Variants in ZNF44 observed in about 807,000 individuals in gnomAD.
The protein encoded by ZNF44 is gonadotropin inducible transcription repressor-2.
ZNF44 carries 9 observed loss-of-function variants against 11.7 expected under a neutral mutation model. The ratio of observed to expected loss-of-function variants is 0.77; its 90% CI spans 0.46 to 1.35. The LOEUF is 1.35. ZNF44 is among the 40% of genes most tolerant of loss of function. ZNF44 has a pLI of 0.00. For missense variants in ZNF44, 696 were observed against 743.1 expected, an observed-to-expected ratio of 0.94 and a Z score of 0.74; for synonymous variants, 224 against 242.7, an observed-to-expected ratio of 0.92 and a Z score of 0.72.
At chr19:12,255,761 C>T (rs568634959) in intron 5 of ZNF44, among the ~76,000 whole-genome samples, 10 of 152,160 alleles carry the variant, frequency 6.6e-5, no homozygotes, top group African/African-American at 1.4e-4. Context: ...GTAGTCTGGC[C>T]GGGCACGGTG....
At chr19:12,262,371 A>G (rs1410694057) in intron 5 of ZNF44, among the ~76,000 whole-genome samples, 3 of 152,078 alleles carry the variant, frequency 2.0e-5, no homozygotes, top group African/African-American at 7.2e-5. Flanking sequence ...CCCAGGTTCA[A>G]GCAATTCTCC....
At chr19:12,255,750 C>T (rs1484519495) in intron 5 of ZNF44, among the ~76,000 whole-genome samples, 3 of 152,050 alleles carry the variant, frequency 2.0e-5, no homozygotes, top group African/African-American at 4.8e-5. Flanking sequence ...CTAAAGCCTA[C>T]GTAGTCTGGC....
chr19:12,237,314 T>C, intron 1 of ZNF44: 1 of 152,864 alleles, frequency 6.5e-6, no homozygotes, highest in Non-Finnish European at 1.5e-5. Context: ...AGCCCCACCC[T>C]GTGGCCGAGG....
intron 2 of ZNF44, among the ~76,000 whole-genome samples, chr19:12,234,460 T>A (rs1464514538): frequency 6.6e-6 from 1 of 152,212 alleles, no homozygotes; most frequent in Non-Finnish European, 1.5e-5. Flanking sequence ...GTTGTGCCAT[T>A]TGTTTCCTAA....
chr19:12,230,848 AG>A (rs1916133751), intron 2 of ZNF44, among the ~76,000 whole-genome samples: 1 of 152,044 alleles, frequency 6.6e-6, no homozygotes, highest in South Asian at 2.1e-4. Flanking sequence ...TTTTAGGGTG[AG>A]GGGGCTTATT....
Position 12,273,568 on chromosome 19 carries a change from C to T in ZNF44, c.687G>A (p.Gln229=). 4 of 1,613,758 alleles carry T rather than the reference C, an allele frequency of 2.5e-6. No homozygotes were observed. Among genetic ancestry groups the T allele is most frequent in the Non-Finnish European group, 3.4e-6 (4 of 1,179,918 alleles). The change falls in exon 4 of 4, where the codon CAG becomes CAA. Residue 229 remains glutamine, a synonymous_variant. Transcript: ENST00000355684. ...TGTAAACAGGGAAGGCTTTAGAACACTGCTTACATTCATATGGTTTCTCTC... is the reference window on the plus strand; with the variant it reads ...TGTAAACAGGGAAGGCTTTAGAACATTGCTTACATTCATATGGTTTCTCTC... The part of the protein sequence containing the change: ...HTGEKPYECK[Q]CSKAFPVYSS...
At chr19:12,294,236 A>G (rs1442359415) in intron 1 of ZNF44, among the ~76,000 whole-genome samples, 1 of 151,960 alleles carries the variant, frequency 6.6e-6, no homozygotes, top group African/African-American at 2.4e-5. Flanking sequence ...TTCTCCACCA[A>G]CCAGCGACCC....
chr19:12,291,589 T>G (rs1266486304), intron 1 of ZNF44, among the ~76,000 whole-genome samples: 1 of 152,068 alleles, frequency 6.6e-6, no homozygotes, highest in Non-Finnish European at 1.5e-5. Flanking sequence ...TCGCAGCTAC[T>G]TGGGATGCTG....
chr19:12,274,203 G>T, intron 3 of ZNF44, 140 bp from the exon 4 acceptor site: 1 of 622,270 alleles, frequency 1.6e-6, no homozygotes, highest in Non-Finnish European at 2.7e-6. Context: ...ACTGAATGTT[G>T]TGCAAGATAA....
chr19:12,232,497 G>A (rs564441639), intron 2 of ZNF44, among the ~76,000 whole-genome samples: 16 of 152,266 alleles, frequency 1.1e-4, no homozygotes, highest in African/African-American at 3.9e-4. Context: ...GCGGCCTTCC[G>A]CAGTGTTTGT....
At chr19:12,285,766 C>G (rs1016501601) in intron 1 of ZNF44, among the ~76,000 whole-genome samples, 1 of 152,072 alleles carries the variant, frequency 6.6e-6, no homozygotes, top group Non-Finnish European at 1.5e-5. Context: ...CGCCTGTAAT[C>G]CTAACACTTT....
At chr19:12,267,721 C>T (rs1374227868), downstream of ZNF44, among the ~76,000 whole-genome samples, 1 of 152,106 alleles carries the variant, frequency 6.6e-6, no homozygotes, top group Non-Finnish European at 1.5e-5. Flanking sequence ...GCAAGAAACT[C>T]TCACCTGGAG....
chr19:12,262,585 TAA>T (rs1917556663), intron 5 of ZNF44, among the ~76,000 whole-genome samples: 1 of 152,154 alleles, frequency 6.6e-6, no homozygotes, highest in African/African-American at 2.4e-5. Flanking sequence ...TCATTTTTCT[TAA>T]AGAGTAGAGC....
At chr19:12,270,018 C>A (rs919973922), downstream of ZNF44, among the ~76,000 whole-genome samples, 1 of 152,144 alleles carries the variant, frequency 6.6e-6, no homozygotes, top group Non-Finnish European at 1.5e-5. Flanking sequence ...CAAATTGACT[C>A]CTTCACAGTT....
At chr19:12,278,423 CTG>C (rs879641307) in intron 1 of ZNF44, among the ~76,000 whole-genome samples, 37 of 152,130 alleles carry the variant, frequency 2.4e-4, no homozygotes, top group Admixed American at 2.4e-3. Flanking sequence ...CTCTAAATTT[CTG>C]TGTGTGTGTG....
At chr19:12,292,311 T>TA (rs1360536918) in intron 1 of ZNF44, among the ~76,000 whole-genome samples, 1 of 150,970 alleles carries the variant, frequency 6.6e-6, no homozygotes, top group Non-Finnish European at 1.5e-5. Flanking sequence ...CCCTGTCTTA[T>TA]AAAAAATAAA....
chr19:12,240,493 G>A (rs1916577824), upstream of ZNF44, among the ~76,000 whole-genome samples: 1 of 149,050 alleles, frequency 6.7e-6, no homozygotes, highest in African/African-American at 2.5e-5. Flanking sequence ...ACGTTCATTT[G>A]GAATCTCCCC....
rs924810238 is a variant in ZNF44 at position 12,272,336 on chromosome 19, T to G, written c.*71A>C. ...TCTTAAGGCTTTACCACGTTTACAT[T>G]CACAGGATTTATTTCTTTCAAGTAT... On this transcript the variant is annotated 3_prime_UTR_variant, in exon 4 of 4. Transcript: ENST00000355684. 78 of 1,439,182 alleles carry G rather than the reference T, an allele frequency of 5.4e-5. No homozygotes were observed. Among genetic ancestry groups the G allele is most frequent in the Non-Finnish European group, 6.7e-5 (74 of 1,096,670 alleles). 89.2% of individuals were successfully genotyped at this position (1,439,182 alleles called of 1,614,324 possible).
At chr19:12,284,632 C>T in intron 1 of ZNF44, 1 of 752,756 alleles carries the variant, frequency 1.3e-6, no homozygotes, top group Middle Eastern at 2.6e-4. Context: ...GTTTTGATTA[C>T]ACCAGTGCAG....
Sources: gnomAD v4.1 joint callset for allele counts (sites outside exome capture counted in the v4.1 genomes callset) on GRCh38, gnomAD v4.1.1 for gene constraint, MANE v1.5 for transcripts, NCBI Gene and HGNC (gene_info 2026-07-23, HGNC 2026-07-21) for gene names.